Variants in ANAPC11 observed in about 807,000 individuals in gnomAD.
ANAPC11 encodes anaphase-promoting complex subunit 11.
A neutral mutation model predicts 11.8 loss-of-function variants in ANAPC11; 5 were observed. The ratio of observed to expected loss-of-function variants is 0.42; its 90% CI spans 0.22 to 0.89. The LOEUF is 0.89. ANAPC11 is among the 40% of genes least tolerant of loss of function. ANAPC11 has a pLI of 0.28. For missense variants in ANAPC11, 68 were observed against 112.9 expected (o/e 0.60, Z 1.80); for synonymous variants, 45 against 41.0 (o/e 1.10, Z -0.38).
At chr17:81,899,554 C>T (rs1398884416) in intron 3 of ANAPC11, 6 of 1,608,678 alleles carry the variant, frequency 3.7e-6, no homozygotes, top group Non-Finnish European at 5.1e-6. Context: ...TCAGACATTG[C>T]CCTTTTTCCC....
In ANAPC11 at chr17:81,900,147, CT is replaced by C. The variant is rs1462453302; in HGVS notation, c.*83del. ...CCGATGGCTGCTGGGGACAGCGCCC[CT>C]GAGCTGCAACAAGGTGGAAACAAGG... On this transcript the variant is annotated 3_prime_UTR_variant, in exon 4 of 4. Transcript: ENST00000344877. 1.3e-6 allele frequency: 2 copies of C among 1,576,162 alleles called. No individual in the cohort carries two copies. The highest frequency in any genetic ancestry group is 2.3e-5 in the East Asian group (1 of 43,684).
chr17:81,899,969 C>T lies in ANAPC11; in HGVS notation c.159C>T (p.His53=). 1 of 1,613,050 alleles carries T rather than the reference C, an allele frequency of 6.2e-7. No homozygotes were observed. Among genetic ancestry groups the T allele is most frequent in the African/African-American group, 1.3e-5 (1 of 75,068 alleles). ...DCPLVWGQCS[H]CFHMHCILKW... ...CGCTGGTGTGGGGCCAGTGCTCCCA[C>T]TGCTTCCACATGCATTGCATCCTCA... The change falls in exon 4 of 4, where the codon CAC becomes CAT. Residue 53 remains histidine, a synonymous_variant. Coordinates refer to ENST00000344877, the MANE Select transcript of ANAPC11 (RefSeq NM_001002248.3).
chr17:81,900,178 G>C lies in ANAPC11; in HGVS notation c.*113G>C, dbSNP rs2039895426. On this transcript the variant is annotated 3_prime_UTR_variant, in exon 4 of 4. Coordinates refer to ENST00000344877, the MANE Select transcript of ANAPC11 (RefSeq NM_001002248.3). ...TGCAACAAGGTGGAAACAAGGGCTG[G>C]AGCTGCGTTTGTTTTGCCATCACTA... is the stretch of plus-strand genomic sequence containing the variant. 7 of 1,487,904 alleles carry C rather than the reference G, an allele frequency of 4.7e-6. No homozygotes were observed. Among genetic ancestry groups the C allele is most frequent in the Non-Finnish European group, 6.4e-6 (7 of 1,101,720 alleles). The allele number at this position is 1,487,904 out of a possible 1,614,324, so 92.2% of individuals were successfully genotyped here.
chr17:81,891,352 C>T, upstream of ANAPC11: 2 of 1,157,812 alleles, frequency 1.7e-6, no homozygotes, highest in Non-Finnish European at 2.1e-6. Context: ...CGGTTCCTGC[C>T]GCCTCCGCCG....
chr17:81,891,723 G>T lies in ANAPC11; in HGVS notation c.-193G>T, dbSNP rs887111726. On this transcript the variant is annotated 5_prime_UTR_variant, in exon 1 of 4. Coordinates refer to ENST00000344877, the MANE Select transcript of ANAPC11 (RefSeq NM_001002248.3). The stretch of plus-strand genomic sequence containing the variant: ...GGGACGGGGTGAGGCGGGGAGGCGC[G>T]TGCGCACTGGCGTGCGAGACTCGGC... 3.3e-5 allele frequency: 23 copies of T among 705,242 alleles called. No individual in the cohort carries two copies. The highest frequency in any genetic ancestry group is 1.1e-5 in the Non-Finnish European group (6 of 528,326). 43.7% of individuals were successfully genotyped at this position (705,242 alleles called of 1,614,324 possible). A position where few individuals can be genotyped will look rare whatever the true frequency, so the allele number is the denominator to read the frequency against.
At chr17:81,899,316 G>A in intron 3 of ANAPC11, 1 of 1,613,520 alleles carries the variant, frequency 6.2e-7, no homozygotes, top group Non-Finnish European at 8.5e-7. Flanking sequence ...GGGAGGCAGG[G>A]CCCATCCACA....
intron 3 of ANAPC11, chr17:81,899,037 G>T (rs1391223925): frequency 3.3e-6 from 2 of 609,108 alleles, no homozygotes; most frequent in African/African-American, 3.7e-5. Context: ...GAGTGGGCAT[G>T]CCGTGGGGCC....
intron 3 of ANAPC11, chr17:81,899,063 G>A: frequency 1.5e-6 from 1 of 671,460 alleles, no homozygotes; most frequent in Non-Finnish European, 2.5e-6. Flanking sequence ...TGCCAGGACA[G>A]GAGGGTGGCC....
chr17:81,894,421 C>G (rs975253464), intron 2 of ANAPC11, 46 bp from the exon 3 acceptor site: 1 of 1,194,612 alleles, frequency 8.4e-7, no homozygotes, highest in Admixed American at 1.7e-5. Flanking sequence ...AACGTTCTAG[C>G]TCTGCAGACT....
chr17:81,891,833 G>A lies in ANAPC11; in HGVS notation c.-83G>A, dbSNP rs1294164527. ...CGCCGGCGCTGCCAACGGAAGGGCG[G>A]GTAGGGCGGTGCGTGATTAGGTTGG... On this transcript the variant is annotated 5_prime_UTR_variant, in exon 1 of 4. Coordinates refer to ENST00000344877, the MANE Select transcript of ANAPC11 (RefSeq NM_001002248.3). 1.0e-4 allele frequency: 23 copies of A among 220,404 alleles called. No homozygotes were observed. The highest frequency in any genetic ancestry group is 2.0e-4 in the Non-Finnish European group (22 of 110,532). The allele number at this position is 220,404 out of a possible 1,614,324, so 13.7% of individuals were successfully genotyped here. A position where few individuals can be genotyped will look rare whatever the true frequency, so the allele number is the denominator to read the frequency against.
At chr17:81,893,813 T>C (rs1357372617) in intron 2 of ANAPC11, among the ~76,000 whole-genome samples, 199 bp downstream of exon 2, 2 of 144,468 alleles carry the variant, frequency 1.4e-5, no homozygotes, top group African/African-American at 5.2e-5. Flanking sequence ...CACAGGCTGG[T>C]CTCAAACTCC....
At position 81,899,139 on chromosome 17, in the gene ANAPC11, T is replaced by A. The variant is rs1035708058; in HGVS notation, c.110-781T>A. 8.7e-5 allele frequency: 109 copies of A among 1,250,042 alleles called. No individual in the cohort carries two copies. In the African/African-American group the frequency reaches 1.5e-3, roughly 17 times the overall value. 77.4% of individuals were successfully genotyped at this position (1,250,042 alleles called of 1,614,324 possible). A position where few individuals can be genotyped will look rare whatever the true frequency, so the allele number is the denominator to read the frequency against. ...GGGCTGGGGCTGGGACTTGCTGTGC[T>A]CTGTTGGCAGCAGCTGTTCCTCAGG... is the stretch of plus-strand genomic sequence containing the variant. On this transcript the variant is annotated intron_variant, in intron 3 of 3. Coordinates refer to ENST00000344877, the MANE Select transcript of ANAPC11 (RefSeq NM_001002248.3).
At chr17:81,894,767 G>C (rs1308020587) in intron 3 of ANAPC11, 181 bp downstream of exon 3, 9 of 455,052 alleles carry the variant, frequency 2.0e-5, no homozygotes, top group Middle Eastern at 5.6e-4. Flanking sequence ...TCCCAGGCTG[G>C]AGTGCAATGG....
At chr17:81,890,806 G>C (rs748089400), upstream of ANAPC11, 3 of 1,613,970 alleles carry the variant, frequency 1.9e-6, no homozygotes, top group Admixed American at 3.3e-5. Flanking sequence ...GCCACTTGTC[G>C]GGAAGTTGTT....
At chr17:81,899,453 C>T (rs777301557) in intron 3 of ANAPC11, 35 of 1,613,886 alleles carry the variant, frequency 2.2e-5, no homozygotes, top group Non-Finnish European at 3.0e-5. Flanking sequence ...GTTCACTACT[C>T]AGATGCACGT....
intron 3 of ANAPC11, 111 bp from the exon 4 acceptor site, chr17:81,899,809 G>A: frequency 8.9e-7 from 1 of 1,124,434 alleles, no homozygotes; most frequent in African/African-American, 1.6e-5. Flanking sequence ...ATGAGAGGCT[G>A]CAGTGCTGGA....
chr17:81,893,455 C>G (rs1231465525), intron 1 of ANAPC11, 97 bp from the exon 2 acceptor site: 1 of 152,102 alleles, frequency 6.6e-6, no homozygotes, highest in Non-Finnish European at 1.5e-5. Context: ...GTCTCGAACT[C>G]CTGACCTCAA....
At chr17:81,891,543 T>G (rs1289056556), upstream of ANAPC11, 1 of 1,437,044 alleles carries the variant, frequency 7.0e-7, no homozygotes. Context: ...CAGAGACATG[T>G]CCATTTTGTC....
At chr17:81,900,298 G>A, downstream of ANAPC11, 1 of 609,258 alleles carries the variant, frequency 1.6e-6, no homozygotes, top group Non-Finnish European at 2.8e-6. Context: ...TATAGATGTG[G>A]TCTCGGTGTG....
Sources: allele counts gnomAD v4.1 joint callset (sites outside exome capture counted in the v4.1 genomes callset), GRCh38; gene constraint gnomAD v4.1.1; transcripts MANE v1.5; gene names NCBI Gene and HGNC (gene_info 2026-07-23, HGNC 2026-07-21).